TMED8: variants seen among roughly 807,000 people sequenced by gnomAD.
TMED8 encodes the protein protein TMED8.
A neutral mutation model predicts 32.7 loss-of-function variants in TMED8; 15 were observed. That is an observed-to-expected ratio of 0.46 (90% CI 0.31 to 0.71). TMED8 has a LOEUF of 0.71. Among genes scored for constraint, TMED8 ranks in the 30% least tolerant of loss-of-function variants. TMED8 has a pLI of 0.06. For missense variants in TMED8, 390 were observed against 423.9 expected, an observed-to-expected ratio of 0.92 and a Z score of 0.70; for synonymous variants, 147 against 161.4, an observed-to-expected ratio of 0.91 and a Z score of 0.68.
At position 77,376,902 on chromosome 14, in the gene TMED8, G is replaced by T; in HGVS notation, c.118+34C>A. The T allele has an allele frequency of 1.5e-6, 2 of 1,305,036 alleles. No individual in the cohort carries two copies. The highest frequency in any genetic ancestry group is 1.0e-6 in the Non-Finnish European group (1 of 996,316). 80.8% of individuals were successfully genotyped at this position (1,305,036 alleles called of 1,614,324 possible). ...GTGGTGCGGGGCCCTGAGGCCGGGC[G>T]GCACCCACCCGCCAGCGCCCCGGCC... On this transcript the variant is annotated intron_variant, in intron 1 of 5. Transcript: ENST00000216468. The surrounding 1 kb of genome is among the most constrained non-coding windows in gnomAD (Gnocchi z 4.0).
At chr14:77,352,688 G>C (rs912521558) in intron 1 of TMED8, among the ~76,000 whole-genome samples, 3 of 152,056 alleles carry the variant, frequency 2.0e-5, no homozygotes, top group African/African-American at 7.2e-5. Context: ...GCAGTGAGCT[G>C]AGATCACACC....
chr14:77,376,889 C>T lies in TMED8; in HGVS notation c.118+47G>A. On this transcript the variant is annotated intron_variant, in intron 1 of 5. Coordinates refer to ENST00000216468, the MANE Select transcript of TMED8 (RefSeq NM_213601.3). This position sits in a 1 kb window ranked among gnomAD's most constrained non-coding sequence, Gnocchi z 4.0. ...GGAGGCTCGCGCCGTGGTGCGGGGC[C>T]CTGAGGCCGGGCGGCACCCACCCGC... The T allele has an allele frequency of 8.3e-7, 1 of 1,205,846 alleles. No individual in the cohort carries two copies. Among genetic ancestry groups the T allele is most frequent in the African/African-American group, 1.6e-5 (1 of 62,124 alleles). The allele number at this position is 1,205,846 out of a possible 1,614,324, so 74.7% of individuals were successfully genotyped here.
chr14:77,363,378 G>T (rs551939349), intron 1 of TMED8, among the ~76,000 whole-genome samples: 1 of 152,230 alleles, frequency 6.6e-6, no homozygotes, highest in South Asian at 2.1e-4. Context: ...TGGTTGAGAA[G>T]AAATCAAAAG....
intron 1 of TMED8, among the ~76,000 whole-genome samples, chr14:77,360,780 G>T (rs1893417830): frequency 6.6e-6 from 1 of 152,106 alleles, no homozygotes; most frequent in African/African-American, 2.4e-5. Context: ...CACAATGGCT[G>T]CATCATCTAC....
intron 2 of TMED8, 66 bp from the exon 3 acceptor site, chr14:77,346,544 C>T: frequency 3.1e-6 from 5 of 1,599,446 alleles, no homozygotes. Flanking sequence ...CCTGGAGAAA[C>T]TTTGAAATAA....
chr14:77,354,734 A>C (rs1893253119), intron 1 of TMED8, among the ~76,000 whole-genome samples: 1 of 152,156 alleles, frequency 6.6e-6, no homozygotes, highest in South Asian at 2.1e-4. Context: ...AAGGTGGATC[A>C]CCTGAGGTCA....
chr14:77,348,639 C>T (rs1328539481), intron 2 of TMED8, among the ~76,000 whole-genome samples: 1 of 152,164 alleles, frequency 6.6e-6, no homozygotes, highest in Non-Finnish European at 1.5e-5. Flanking sequence ...TTGAGGGCAT[C>T]ATTTCCTCAA....
At chr14:77,348,232 T>TC (rs989774049) in intron 2 of TMED8, among the ~76,000 whole-genome samples, 5 of 151,370 alleles carry the variant, frequency 3.3e-5, no homozygotes, top group Non-Finnish European at 7.4e-5. Flanking sequence ...TTTAATTTCT[T>TC]TTTTTTTTTG....
Position 77,377,082 on chromosome 14 carries a change from G to C in TMED8, c.-29C>G, listed in dbSNP as rs780349339. 2.3e-6 allele frequency: 3 copies of C among 1,315,204 alleles called. No homozygotes were observed. Among genetic ancestry groups the C allele is most frequent in the South Asian group, 3.7e-5 (2 of 54,348 alleles). 81.5% of individuals were successfully genotyped at this position (1,315,204 alleles called of 1,614,324 possible). A position where few individuals can be genotyped will look rare whatever the true frequency, so the allele number is the denominator to read the frequency against. ...CAGCCCGCGCACGGAGCTCTCCGCT[G>C]CCAGCCGCGAGTGGCTCCGGAAACA... On this transcript the variant is annotated 5_prime_UTR_variant, in exon 1 of 6. Transcript: ENST00000216468.
chr14:77,339,328 C>T lies in TMED8; in HGVS notation c.*2443G>A, dbSNP rs558726147. 1 of 152,310 alleles carries T rather than the reference C, an allele frequency of 6.6e-6. No homozygotes were observed. The highest frequency in any genetic ancestry group is 2.1e-4 in the South Asian group (1 of 4,830). The allele number at this position is 152,310 out of a possible 1,614,324, so 9.4% of individuals were successfully genotyped here. On this transcript the variant is annotated 3_prime_UTR_variant, in exon 6 of 6. Coordinates refer to ENST00000216468, the MANE Select transcript of TMED8 (RefSeq NM_213601.3). ...GCCCAGGACTTCAAAAGTGACCAGA[C>T]CCTAAGAGGCACACAGAGGTGAGGG...
chr14:77,336,632 C>G lies in TMED8; in HGVS notation c.*5139G>C, dbSNP rs1892766210. 2 of 151,648 alleles carry G rather than the reference C, an allele frequency of 1.3e-5. No homozygotes were observed. Among genetic ancestry groups the G allele is most frequent in the African/African-American group, 4.9e-5 (2 of 41,236 alleles). The allele number at this position is 151,648 out of a possible 1,614,324, so 9.4% of individuals were successfully genotyped here. A position where few individuals can be genotyped will look rare whatever the true frequency, so the allele number is the denominator to read the frequency against. The stretch of plus-strand genomic sequence containing the variant: ...TTCGATAGGTTTGCTCTCCCCTCCC[C>G]CCATACTCCTACCCTTTGCCCCCTA... On this transcript the variant is annotated 3_prime_UTR_variant, in exon 6 of 6. Coordinates refer to ENST00000216468, the MANE Select transcript of TMED8 (RefSeq NM_213601.3).
At chr14:77,360,095 T>G (rs1488103726) in intron 1 of TMED8, among the ~76,000 whole-genome samples, 2 of 152,196 alleles carry the variant, frequency 1.3e-5, no homozygotes, top group African/African-American at 4.8e-5. Context: ...GGTGAAATGG[T>G]TACCATATCA....
chr14:77,374,885 A>G (rs571470423), intron 1 of TMED8, among the ~76,000 whole-genome samples: 14 of 152,364 alleles, frequency 9.2e-5, no homozygotes, highest in African/African-American at 3.4e-4. Context: ...GACAGAGACC[A>G]TAACCTGTCT....
At chr14:77,359,989 T>C (rs1893392566) in intron 1 of TMED8, 1 of 157,158 alleles carries the variant, frequency 6.4e-6, no homozygotes, top group Admixed American at 6.5e-5. Context: ...TCATGGTGTG[T>C]CTGGAAAAGA....
At chr14:77,372,246 T>C (rs1415551357) in intron 1 of TMED8, among the ~76,000 whole-genome samples, 2 of 152,256 alleles carry the variant, frequency 1.3e-5, no homozygotes, top group Non-Finnish European at 2.9e-5. Context: ...ACTTTTTAAA[T>C]GTGCATTTTC....
chr14:77,357,730 G>A (rs1480755374), intron 1 of TMED8, among the ~76,000 whole-genome samples: 2 of 152,164 alleles, frequency 1.3e-5, no homozygotes, highest in Non-Finnish European at 2.9e-5. Flanking sequence ...CACTGGTCTT[G>A]CTTATAGCAT....
Position 77,341,955 on chromosome 14 carries a change from G to A in TMED8, c.794C>T (p.Ser265Phe), listed in dbSNP as rs1440065388. The change falls in exon 6 of 6, where the codon TCC (serine) becomes TTC (phenylalanine). Residue 265 changes from serine (S) to phenylalanine (F), a missense_variant. Physicochemically the swap from Ser to Phe is radical, Grantham distance 155 (BLOSUM62 -2). Coordinates refer to ENST00000216468, the MANE Select transcript of TMED8 (RefSeq NM_213601.3). The stretch of plus-strand genomic sequence containing the variant: ...ATAGCGACCCCGCAAGGAGCTCCTG[G>A]AGCCTCTCTCCACATCTCCAGCTGG... Reference protein sequence around the residue: ...PVPAGDVERGSRSSLRGRYGE... With the variant: ...PVPAGDVERGFRSSLRGRYGE... 6.2e-7 allele frequency: 1 copy of A among 1,614,038 alleles called. No individual in the cohort carries two copies.
intron 3 of TMED8, among the ~76,000 whole-genome samples, chr14:77,344,331 C>A (rs1388117602): frequency 1.3e-5 from 2 of 152,234 alleles, no homozygotes; most frequent in Non-Finnish European, 2.9e-5. Flanking sequence ...GAGACAGAAT[C>A]TGGTTTATAG....
rs1444216307 is a variant in TMED8, at chr14:77,337,869, T to C, written c.*3902A>G. 1 of 152,214 alleles carries C rather than the reference T, an allele frequency of 6.6e-6. No homozygotes were observed. Among genetic ancestry groups the C allele is most frequent in the Non-Finnish European group, 1.5e-5 (1 of 68,040 alleles). The allele number at this position is 152,214 out of a possible 1,614,324, so 9.4% of individuals were successfully genotyped here. On this transcript the variant is annotated 3_prime_UTR_variant, in exon 6 of 6. Coordinates refer to ENST00000216468, the MANE Select transcript of TMED8 (RefSeq NM_213601.3). ...AGAATCATCTTTGCCTAGGAATTGG[T>C]AGTTTAAAATTTTTACATTTATGCG...
Sources: allele counts gnomAD v4.1 joint callset (sites outside exome capture counted in the v4.1 genomes callset), GRCh38; gene constraint gnomAD v4.1.1; non-coding constraint Gnocchi (gnomAD v3.1); transcripts MANE v1.5; gene names NCBI Gene and HGNC (gene_info 2026-07-23, HGNC 2026-07-21).